SLC12A2: variants seen among roughly 807,000 people sequenced by gnomAD.
SLC12A2 encodes the protein Na-K-2Cl cotransporter 1.
SLC12A2 carries 67 observed loss-of-function variants against 136.3 expected under a neutral mutation model. The observed-to-expected ratio is 0.49, with a 90% confidence interval of 0.40 to 0.60. The LOEUF (loss-of-function observed/expected upper bound fraction) is 0.60, where lower values mean the gene tolerates loss of function less well. Ranked by LOEUF, SLC12A2 falls within the 20% of genes least tolerant of loss-of-function variation. The pLI, the probability that SLC12A2 is intolerant of heterozygous loss-of-function variation, is 0.00. For missense variants in SLC12A2, 1,322 were observed against 1,534.7 expected (o/e 0.86, Z 2.32); for synonymous variants, 619 against 562.9 (o/e 1.10, Z -1.41).
intron 15 of SLC12A2, 21 bp downstream of exon 15, chr5:128,152,826 C>T (rs369542225): frequency 1.0e-4 from 142 of 1,399,620 alleles, no homozygotes; most frequent in Non-Finnish European, 1.4e-4. Flanking sequence ...AAGAAGGAAA[C>T]ATGGAAGCAT....
chr5:128,185,308 A>G (rs1291896341), intron 26 of SLC12A2, among the ~76,000 whole-genome samples: 2 of 152,130 alleles, frequency 1.3e-5, no homozygotes, highest in Non-Finnish European at 2.9e-5. Flanking sequence ...CCAACACGCA[A>G]ATTTTACATA....
At chr5:128,142,883 C>T (rs182202767) in intron 10 of SLC12A2, among the ~76,000 whole-genome samples, 2 of 152,068 alleles carry the variant, frequency 1.3e-5, no homozygotes, top group African/African-American at 4.8e-5. Context: ...TATATTTTCA[C>T]TTCAGTAGTT....
At chr5:128,111,152 T>C (rs1044283122) in intron 1 of SLC12A2, among the ~76,000 whole-genome samples, 1 of 152,256 alleles carries the variant, frequency 6.6e-6, no homozygotes, top group Non-Finnish European at 1.5e-5. Flanking sequence ...CTCATGACTG[T>C]ACTTTACATT....
chr5:128,153,863 G>A (rs1002715941), intron 15 of SLC12A2, among the ~76,000 whole-genome samples: 9 of 152,076 alleles, frequency 5.9e-5, no homozygotes, highest in South Asian at 4.2e-4. Context: ...GAGACCACAC[G>A]CAGGTCTTCA....
Position 128,084,424 on chromosome 5 carries a change from C to G in SLC12A2, c.470C>G (p.Ser157Ter). The G allele has an allele frequency of 1.2e-6, 2 of 1,612,384 alleles. No homozygotes were observed. The highest frequency in any genetic ancestry group is 1.7e-6 in the Non-Finnish European group (2 of 1,179,386). Residue 157 changes from serine to a stop codon, truncating the protein, a stop_gained, in exon 1 of 27, where the codon TCA becomes TGA. Transcript: ENST00000262461. LOFTEE classifies it high-confidence loss of function. This position sits in a 1 kb window ranked among gnomAD's most constrained non-coding sequence, Gnocchi z 5.6. ...TCCTCGTCGGCTGAAGACAGCCTGT[C>G]AGATGCTGCCGGGGTCGGAGTCGAC... The part of the protein sequence containing the change: ...AASSSAEDSL[S>*]DAAGVGVDGP...
chr5:128,110,824 A>T, intron 1 of SLC12A2: 1 of 1,476,032 alleles, frequency 6.8e-7, no homozygotes, highest in Non-Finnish European at 9.5e-7. Context: ...TGCAAGAAAT[A>T]ATCTCATGGA....
intron 5 of SLC12A2, among the ~76,000 whole-genome samples, chr5:128,131,463 G>T (rs2126697908): frequency 6.6e-6 from 1 of 151,558 alleles, no homozygotes; most frequent in East Asian, 2.0e-4. Flanking sequence ...GGAGATCGAG[G>T]CGAGCGGATC....
chr5:128,083,852 T>C lies in SLC12A2; in HGVS notation c.-103T>C, dbSNP rs1225310765. On this transcript the variant is annotated 5_prime_UTR_variant, in exon 1 of 27. Transcript: ENST00000262461. ...GCAGGCGGCGGGGAGAAAGACTCTC[T>C]CACCTGGTCTTGCGGCTGTGGCCAC... 2.8e-5 allele frequency: 24 copies of C among 868,336 alleles called. No individual in the cohort carries two copies. The East Asian group carries it at 7.1e-4, about 26-fold the overall frequency. The allele number at this position is 868,336 out of a possible 1,614,324, so 53.8% of individuals were successfully genotyped here.
At chr5:128,147,751 G>C (rs570373340) in intron 11 of SLC12A2, 22 bp downstream of exon 11, 5 of 1,404,030 alleles carry the variant, frequency 3.6e-6, no homozygotes, top group Non-Finnish European at 5.0e-6. Context: ...TATATTACAG[G>C]CTTTATTAAA....
Position 128,114,300 on chromosome 5 carries a change from A to G in SLC12A2, c.952+13A>G. On this transcript the variant is annotated intron_variant, in intron 3 of 26. Coordinates refer to ENST00000262461, the MANE Select transcript of SLC12A2 (RefSeq NM_001046.3). ...CAAGCTGGAATAGGTAAGTGAAGTT[A>G]TATCCTGCTTGATTTGAGAATAAGC... 1.9e-6 allele frequency: 3 copies of G among 1,597,876 alleles called. No homozygotes were observed. Among genetic ancestry groups the G allele is most frequent in the Middle Eastern group, 1.7e-4 (1 of 6,022 alleles).
intron 1 of SLC12A2, among the ~76,000 whole-genome samples, chr5:128,100,955 G>T (rs1373511998): frequency 6.6e-6 from 1 of 152,174 alleles, no homozygotes; most frequent in Non-Finnish European, 1.5e-5. Context: ...GGGCTAGGTA[G>T]AGGACTGAAT....
chr5:128,162,910 G>A (rs1244181538), intron 17 of SLC12A2, among the ~76,000 whole-genome samples: 3 of 151,988 alleles, frequency 2.0e-5, no homozygotes, highest in African/African-American at 4.8e-5. Flanking sequence ...ACACAAATTC[G>A]TAAATTTTCT....
chr5:128,092,461 G>T (rs1481685050), intron 1 of SLC12A2, among the ~76,000 whole-genome samples: 1 of 152,166 alleles, frequency 6.6e-6, no homozygotes, highest in Non-Finnish European at 1.5e-5. Context: ...TGTGATTATG[G>T]CCTGTTACCA....
At chr5:128,146,792 C>T (rs1190067195) in intron 10 of SLC12A2, among the ~76,000 whole-genome samples, 3 of 151,678 alleles carry the variant, frequency 2.0e-5, no homozygotes, top group Non-Finnish European at 4.4e-5. Context: ...AACCACAATA[C>T]TATCTTAACA....
chr5:128,172,505 C>T (rs1763408950), intron 19 of SLC12A2, among the ~76,000 whole-genome samples: 1 of 152,188 alleles, frequency 6.6e-6, no homozygotes, highest in Non-Finnish European at 1.5e-5. Context: ...ATGTGTTCCC[C>T]CTTTCTACTT....
At position 128,152,833 on chromosome 5, in the gene SLC12A2, G is replaced by A. The variant is rs192709020; in HGVS notation, c.2363+28G>A. The A allele has an allele frequency of 2.9e-5, 39 of 1,343,052 alleles. No individual in the cohort carries two copies. The African/African-American group carries it at 4.5e-4, about 15-fold the overall frequency. 83.2% of individuals were successfully genotyped at this position (1,343,052 alleles called of 1,614,324 possible). A position where few individuals can be genotyped will look rare whatever the true frequency, so the allele number is the denominator to read the frequency against. The stretch of plus-strand genomic sequence containing the variant: ...AAGTGATAAAGAAGGAAACATGGAA[G>A]CATTTTCTCTTTGCTGGCCAGTCAG... On this transcript the variant is annotated intron_variant, in intron 15 of 26. Coordinates refer to ENST00000262461, the MANE Select transcript of SLC12A2 (RefSeq NM_001046.3).
At chr5:128,147,963 G>A (rs1189613111) in intron 11 of SLC12A2, among the ~76,000 whole-genome samples, 2 of 151,482 alleles carry the variant, frequency 1.3e-5, no homozygotes, top group Non-Finnish European at 3.0e-5. Flanking sequence ...AGTCTTTTTA[G>A]AAGTGCTGAT....
At chr5:128,088,804 T>C (rs898277498) in intron 1 of SLC12A2, among the ~76,000 whole-genome samples, 3 of 152,134 alleles carry the variant, frequency 2.0e-5, no homozygotes, top group African/African-American at 7.2e-5. Flanking sequence ...ACTTTGCTTG[T>C]TGGATTTTCA....
At chr5:128,099,379 T>C (rs944104468) in intron 1 of SLC12A2, among the ~76,000 whole-genome samples, 20 of 152,144 alleles carry the variant, frequency 1.3e-4, no homozygotes, top group African/African-American at 4.8e-4. Flanking sequence ...ATACTTACTA[T>C]TGAATGGAGC....
Sources: allele counts gnomAD v4.1 joint callset (sites outside exome capture counted in the v4.1 genomes callset), GRCh38; gene constraint gnomAD v4.1.1; non-coding constraint Gnocchi (gnomAD v3.1); transcripts MANE v1.5; gene names NCBI Gene and HGNC (gene_info 2026-07-23, HGNC 2026-07-21).